The following RAPGEF2 variants were observed in gnomAD, a reference collection of about 807,000 sequenced individuals.
RAPGEF2 encodes the protein PDZ domain containing guanine nucleotide exchange factor (GEF) 1.
Under a neutral mutation model 186.7 loss-of-function variants are expected in RAPGEF2, and 54 were observed. The ratio of observed to expected loss-of-function variants is 0.29; its 90% CI spans 0.23 to 0.36. The LOEUF is 0.36. RAPGEF2 is among the 10% of genes least tolerant of loss of function. The probability of loss-of-function intolerance (pLI) is 1.00; values close to 1 mark genes in which losing one functional copy is unlikely to be tolerated. For missense variants in RAPGEF2, 1,532 were observed against 2,045.0 expected, an observed-to-expected ratio of 0.75 and a Z score of 4.84; for synonymous variants, 712 against 705.9, an observed-to-expected ratio of 1.01 and a Z score of -0.14.
At chr4:159,268,973 C>G (rs1757767376) in intron 7 of RAPGEF2, among the ~76,000 whole-genome samples, 1 of 152,156 alleles carries the variant, frequency 6.6e-6, no homozygotes, top group Non-Finnish European at 1.5e-5. Flanking sequence ...CGTGAAAATG[C>G]AAACGCATAA....
intron 11 of RAPGEF2, 190 bp from the exon 12 acceptor site, chr4:159,329,668 T>C (rs1391960256): frequency 5.2e-6 from 2 of 388,084 alleles, no homozygotes; most frequent in Non-Finnish European, 9.1e-6. Flanking sequence ...AATGAAACTT[T>C]TCTTGACCAA....
intron 1 of RAPGEF2, among the ~76,000 whole-genome samples, chr4:159,143,338 TG>T (rs1224093309): frequency 2.0e-5 from 3 of 152,184 alleles, no homozygotes; most frequent in Non-Finnish European, 4.4e-5. Context: ...ATTTTGTTTT[TG>T]GTTTAGGTCT....
In RAPGEF2 at chr4:159,103,983, G is replaced by T. The variant is rs1427405030; in HGVS notation, c.-180G>T. ...CCCCTCGCGCCTGTACCGCGCTCTC[G>T]GCCGCCGGGCCCAGCCGAGCCGCCC... On this transcript the variant is annotated 5_prime_UTR_variant, in exon 1 of 30. Coordinates refer to ENST00000691494, the MANE Select transcript of RAPGEF2 (RefSeq NM_001394067.2). 1.3e-5 allele frequency: 2 copies of T among 157,200 alleles called. No homozygotes were observed. Among genetic ancestry groups the T allele is most frequent in the South Asian group, 1.7e-4 (1 of 5,738 alleles). 9.7% of individuals were successfully genotyped at this position (157,200 alleles called of 1,614,324 possible).
rs566599477 is a variant in RAPGEF2, at chr4:159,277,584, C to T, written c.544-26758C>T. On this transcript the variant is annotated intron_variant, in intron 7 of 29. Coordinates refer to ENST00000691494, the MANE Select transcript of RAPGEF2 (RefSeq NM_001394067.2). ...CTGTTTCTCCACATCCTCTCCAGCA[C>T]CTGTTGTTTCCTGACTTTTTAATGA... Among the ~76,000 whole-genome samples, 12 of 152,268 alleles carry T rather than the reference C, an allele frequency of 7.9e-5. No individual in the cohort carries two copies. In the South Asian group the frequency reaches 2.3e-3, roughly 29 times the overall value.
intron 7 of RAPGEF2, among the ~76,000 whole-genome samples, chr4:159,297,889 T>C (rs1762210935): frequency 6.6e-6 from 1 of 152,332 alleles, no homozygotes; most frequent in Middle Eastern, 3.4e-3. Context: ...AGCCATTTCA[T>C]AGAAGAAACT....
intron 1 of RAPGEF2, among the ~76,000 whole-genome samples, chr4:159,116,151 A>G (rs1739027956): frequency 6.6e-6 from 1 of 152,228 alleles, no homozygotes; most frequent in African/African-American, 2.4e-5. Flanking sequence ...TGAGCAGACA[A>G]CCTATAGAAT....
At chr4:159,115,100 C>G (rs182277720) in intron 1 of RAPGEF2, among the ~76,000 whole-genome samples, 1 of 152,076 alleles carries the variant, frequency 6.6e-6, no homozygotes, top group Non-Finnish European at 1.5e-5. Flanking sequence ...AGTCAGCCCC[C>G]CTCCCCAGTC....
chr4:159,244,497 C>A (rs908094111), intron 7 of RAPGEF2, among the ~76,000 whole-genome samples: 1 of 151,892 alleles, frequency 6.6e-6, no homozygotes, highest in African/African-American at 2.4e-5. Context: ...GTACTAAAAT[C>A]TATGATTTTC....
rs562719684 is a variant in RAPGEF2 at position 159,330,021 on chromosome 4, G to A, written c.1302+11G>A. On this transcript the variant is annotated intron_variant, in intron 12 of 29. Coordinates refer to ENST00000691494, the MANE Select transcript of RAPGEF2 (RefSeq NM_001394067.2). Reference sequence around the variant, plus strand: ...CACATTGTCATCAAGGTAGGACACAGGACCACTCCTTCCCAAGGAAAGGAA... The same window carrying A: ...CACATTGTCATCAAGGTAGGACACAAGACCACTCCTTCCCAAGGAAAGGAA... The A allele has an allele frequency of 1.9e-6, 3 of 1,592,432 alleles. No homozygotes were observed. The South Asian group carries it at 3.4e-5, about 18-fold the overall frequency.
intron 1 of RAPGEF2, among the ~76,000 whole-genome samples, chr4:159,169,471 T>C (rs747350916): frequency 3.3e-5 from 5 of 152,184 alleles, no homozygotes; most frequent in Non-Finnish European, 7.3e-5. Flanking sequence ...TACTTAGTGA[T>C]TTAAGAATAC....
At chr4:159,178,551 C>CATTTTTTTTTTT (rs1554005429) in intron 1 of RAPGEF2, among the ~76,000 whole-genome samples, 1 of 75,470 alleles carries the variant, frequency 1.3e-5, no homozygotes. Flanking sequence ...ATGTATTATG[C>CATTTTTTTTTTT]TTTTTTTTTT....
chr4:159,318,409 A>G (rs976106475), intron 9 of RAPGEF2, among the ~76,000 whole-genome samples: 1 of 152,132 alleles, frequency 6.6e-6, no homozygotes, highest in South Asian at 2.1e-4. Flanking sequence ...TTCCTACCCA[A>G]CGTCCTCTTC....
chr4:159,109,459 G>A (rs1259628085), intron 1 of RAPGEF2, among the ~76,000 whole-genome samples: 2 of 152,118 alleles, frequency 1.3e-5, no homozygotes, highest in South Asian at 2.1e-4. Flanking sequence ...TTTCCTCGTC[G>A]GTAAAATGGA....
At chr4:159,241,553 A>G (rs974130241) in intron 6 of RAPGEF2, among the ~76,000 whole-genome samples, 185 bp downstream of exon 6, 1 of 148,606 alleles carries the variant, frequency 6.7e-6, no homozygotes, top group Admixed American at 6.7e-5. Context: ...AATATATAAT[A>G]TGTATATATT....
chr4:159,343,426 G>A, intron 22 of RAPGEF2, 22 bp downstream of exon 22: 1 of 1,612,068 alleles, frequency 6.2e-7, no homozygotes, highest in Non-Finnish European at 8.5e-7. Flanking sequence ...ATCTTCAGTG[G>A]CACGTGTGAG....
intron 12 of RAPGEF2, 127 bp downstream of exon 12, chr4:159,330,137 A>G: frequency 1.0e-6 from 1 of 987,230 alleles, no homozygotes; most frequent in Non-Finnish European, 1.5e-6. Flanking sequence ...AAAAATCTTT[A>G]TGTATGATCT....
chr4:159,332,892 T>C, intron 17 of RAPGEF2, 195 bp downstream of exon 17: 1 of 475,234 alleles, frequency 2.1e-6, no homozygotes, highest in Non-Finnish European at 3.5e-6. Flanking sequence ...ACTCCCAATC[T>C]TCTTTAAAGA....
At chr4:159,183,770 C>G (rs565863349) in intron 1 of RAPGEF2, among the ~76,000 whole-genome samples, 17 of 152,224 alleles carry the variant, frequency 1.1e-4, no homozygotes, top group African/African-American at 3.9e-4. Context: ...ACTTTAAGTT[C>G]TAGGGTACAT....
chr4:159,172,993 C>G (rs967446585), intron 1 of RAPGEF2, among the ~76,000 whole-genome samples: 1 of 152,134 alleles, frequency 6.6e-6, no homozygotes, highest in Admixed American at 6.6e-5. Flanking sequence ...CAATTTTGAA[C>G]AGACCTAAAA....
Sources: gnomAD v4.1 joint callset for allele counts (sites outside exome capture counted in the v4.1 genomes callset) on GRCh38, gnomAD v4.1.1 for gene constraint, MANE v1.5 for transcripts, NCBI Gene and HGNC (gene_info 2026-07-23, HGNC 2026-07-21) for gene names.